Variants in GPC4 observed in about 807,000 individuals in gnomAD.
GPC4 encodes glypican-4.
In GPC4, 10 loss-of-function variants were observed where a neutral mutation model predicts 35.0. The observed-to-expected ratio is 0.29, with a 90% CI of 0.18 to 0.48. GPC4 has a LOEUF of 0.48. Among genes scored for constraint, GPC4 ranks in the 20% least tolerant of loss-of-function variants. GPC4 has a pLI of 0.99. For synonymous variants in GPC4, 167 were observed against 170.2 expected, an observed-to-expected ratio of 0.98 and a Z score of 0.15; for missense variants, 322 against 451.3, an observed-to-expected ratio of 0.71 and a Z score of 2.60.
intron 1 of GPC4, among the ~76,000 whole-genome samples, chrX:133,344,195 T>TTTTTTG (rs2068480683): frequency 2.9e-4 from 1 of 3,507 alleles, no homozygotes; most frequent in Non-Finnish European, 4.2e-4. Flanking sequence ...TTTCTGGTTT[T>TTTTTTG]TTTTTTTTTT....
intron 1 of GPC4, among the ~76,000 whole-genome samples, chrX:133,359,850 G>A (rs2068558946): frequency 9.0e-6 from 1 of 111,395 alleles, no homozygotes. Flanking sequence ...TGTGTAGGCT[G>A]TCTTTACAAA....
At chrX:133,351,201 T>C (rs1337930415) in intron 1 of GPC4, among the ~76,000 whole-genome samples, 1 of 111,907 alleles carries the variant, frequency 8.9e-6, no homozygotes, top group Non-Finnish European at 1.9e-5. Flanking sequence ...GTCCTAATTT[T>C]GGAGTGAAAG....
chrX:133,395,414 G>C (rs867565738), intron 1 of GPC4, among the ~76,000 whole-genome samples: 2 of 110,538 alleles, frequency 1.8e-5, no homozygotes, highest in Non-Finnish European at 3.8e-5. Flanking sequence ...CCTGAGGTGA[G>C]GAGTTCAAGA....
chrX:133,378,441 G>T (rs940327768), intron 1 of GPC4, among the ~76,000 whole-genome samples: 5 of 107,960 alleles, frequency 4.6e-5, no homozygotes, highest in African/African-American at 1.7e-4. Context: ...CGTGGTGGCG[G>T]GTGCCTGTAG....
At chrX:133,395,512 T>C (rs2068738813) in intron 1 of GPC4, among the ~76,000 whole-genome samples, 1 of 110,940 alleles carries the variant, frequency 9.0e-6, no homozygotes, top group African/African-American at 3.3e-5. Context: ...TAATCCCAGC[T>C]ACTTGGGAGG....
chrX:133,376,798 C>G (rs2068635462), intron 1 of GPC4, among the ~76,000 whole-genome samples: 1 of 111,953 alleles, frequency 8.9e-6, no homozygotes, highest in African/African-American at 3.2e-5. Context: ...CCTGAAGGAA[C>G]TGGGAAGGCT....
chrX:133,378,134 C>T (rs930435095), intron 1 of GPC4, among the ~76,000 whole-genome samples: 1 of 110,822 alleles, frequency 9.0e-6, no homozygotes, highest in African/African-American at 3.3e-5. Context: ...GATCTGCCCA[C>T]CTTGGCCTCC....
intron 2 of GPC4, among the ~76,000 whole-genome samples, chrX:133,335,182 C>T (rs1052301554): frequency 8.1e-5 from 9 of 111,013 alleles, no homozygotes; most frequent in African/African-American, 2.9e-4. Flanking sequence ...AGTTAATTAG[C>T]AGCTCTACTA....
At chrX:133,339,107 A>T (rs2068455702) in intron 2 of GPC4, 76 bp downstream of exon 2, 1 of 1,008,925 alleles carries the variant, frequency 9.9e-7, no homozygotes, top group South Asian at 2.2e-5. Context: ...TTAAGCACTG[A>T]GGGAGCAGAG....
At chrX:133,380,308 G>A (rs751988405) in intron 1 of GPC4, among the ~76,000 whole-genome samples, 1 of 110,069 alleles carries the variant, frequency 9.1e-6, no homozygotes, top group African/African-American at 3.3e-5. Context: ...CTGCACTCCA[G>A]CCTGGGCGAC....
intron 3 of GPC4, among the ~76,000 whole-genome samples, chrX:133,323,308 G>T (rs989033933): frequency 9.0e-6 from 1 of 111,282 alleles, no homozygotes; most frequent in African/African-American, 3.3e-5. Context: ...GTGAAACCCC[G>T]TCTCTACTAC....
At chrX:133,331,098 G>A (rs968965127) in intron 2 of GPC4, among the ~76,000 whole-genome samples, 17 of 112,008 alleles carry the variant, frequency 1.5e-4, no homozygotes, top group South Asian at 3.8e-4. Context: ...TCTTCCCAAA[G>A]TTGCTTTTAT....
intron 2 of GPC4, among the ~76,000 whole-genome samples, chrX:133,332,250 A>T (rs774626066): frequency 8.9e-6 from 1 of 111,996 alleles, no homozygotes; most frequent in East Asian, 2.8e-4. Context: ...CCACTGCTAA[A>T]AGACAGTAAC....
At chrX:133,313,935 T>C (rs139374712) in intron 3 of GPC4, among the ~76,000 whole-genome samples, 1,594 of 112,045 alleles carry the variant, frequency 0.014, 11 homozygotes, top group Non-Finnish European at 0.019. Flanking sequence ...AGGTAAAAGT[T>C]ATGCAAGTGG....
intron 1 of GPC4, among the ~76,000 whole-genome samples, chrX:133,403,534 A>G (rs1021286605): frequency 3.6e-5 from 4 of 111,657 alleles, no homozygotes; most frequent in African/African-American, 1.3e-4. Flanking sequence ...TTAGAAGAAT[A>G]GAGTAAGAGC....
chrX:133,354,560 A>AT (rs1174002540), intron 1 of GPC4, among the ~76,000 whole-genome samples: 34 of 93,703 alleles, frequency 3.6e-4, no homozygotes, highest in East Asian at 9.8e-4. Context: ...TTATTTATTT[A>AT]TTTATTTATT....
In GPC4 at chrX:133,382,151, G is replaced by A. The variant is rs935711489; in HGVS notation, c.160+32655C>T. Among the ~76,000 whole-genome samples, 18 of 111,924 alleles carry A rather than the reference G, an allele frequency of 1.6e-4. 1 individual carries two copies. The highest frequency in any genetic ancestry group is 5.5e-4 in the African/African-American group (17 of 30,772). On this transcript the variant is annotated intron_variant, in intron 1 of 8. Coordinates refer to ENST00000370828, the MANE Select transcript of GPC4 (RefSeq NM_001448.3). ...TTACAAAACAGGCAAAAGGTGGGTCGGGTGCGGTGGCTCATGCTTGTATTC... is the reference window on the plus strand; with the variant it reads ...TTACAAAACAGGCAAAAGGTGGGTCAGGTGCGGTGGCTCATGCTTGTATTC...
intron 2 of GPC4, among the ~76,000 whole-genome samples, chrX:133,330,540 G>A (rs1185758427): frequency 2.7e-5 from 3 of 110,973 alleles, no homozygotes; most frequent in African/African-American, 9.8e-5. Flanking sequence ...TTTTAAACAG[G>A]CATTTTTTTC....
chrX:133,410,896 C>T (rs2068809973), intron 1 of GPC4, among the ~76,000 whole-genome samples: 1 of 112,044 alleles, frequency 8.9e-6, no homozygotes, highest in African/African-American at 3.2e-5. Context: ...CCCTGTGGCT[C>T]AATTCGACCC....
Sources: gnomAD v4.1 joint callset for allele counts (sites outside exome capture counted in the v4.1 genomes callset) on GRCh38, gnomAD v4.1.1 for gene constraint, MANE v1.5 for transcripts, NCBI Gene and HGNC (gene_info 2026-07-23, HGNC 2026-07-21) for gene names.